RPRD1A: variants seen among roughly 807,000 people sequenced by gnomAD.
RPRD1A encodes regulation of nuclear pre-mRNA domain containing 1A.
A neutral mutation model predicts 37.8 loss-of-function variants in RPRD1A; 9 were observed. That is an observed-to-expected ratio of 0.24 (90% confidence interval 0.14 to 0.42). RPRD1A has a LOEUF of 0.42. RPRD1A is among the 10% of genes least tolerant of loss of function. RPRD1A has a pLI of 1.00. For synonymous variants in RPRD1A, 138 were observed against 139.7 expected (o/e 0.99, Z 0.08); for missense variants, 255 against 371.0 (o/e 0.69, Z 2.57).
chr18:36,034,865 C>G (rs1422276198), intron 1 of RPRD1A, among the ~76,000 whole-genome samples: 2 of 152,192 alleles, frequency 1.3e-5, no homozygotes, highest in Non-Finnish European at 2.9e-5. Flanking sequence ...TCTGAGTTCA[C>G]ATCATTCTCG....
At chr18:35,997,729 T>C (rs144965040) in intron 6 of RPRD1A, among the ~76,000 whole-genome samples, 167 of 152,338 alleles carry the variant, frequency 1.1e-3, no homozygotes, top group African/African-American at 3.9e-3. Flanking sequence ...GTTTTTAAAT[T>C]GGGGCACAAC....
At chr18:36,054,727 G>C (rs1053819505) in intron 1 of RPRD1A, among the ~76,000 whole-genome samples, 7 of 152,058 alleles carry the variant, frequency 4.6e-5, no homozygotes, top group Non-Finnish European at 2.9e-5. Context: ...CAATGGAGTA[G>C]TTCCAGTCCA....
intron 1 of RPRD1A, among the ~76,000 whole-genome samples, chr18:36,059,144 T>C (rs920358385): frequency 6.6e-6 from 1 of 152,218 alleles, no homozygotes; most frequent in African/African-American, 2.4e-5. Context: ...TGTGTCCATT[T>C]GTAATTTTAA....
chr18:36,061,171 T>C (rs2088903339), intron 1 of RPRD1A, among the ~76,000 whole-genome samples: 1 of 152,154 alleles, frequency 6.6e-6, no homozygotes, highest in South Asian at 2.1e-4. Context: ...TCCCTCTAAC[T>C]AAAGATTTCC....
intron 6 of RPRD1A, among the ~76,000 whole-genome samples, chr18:35,998,664 G>A (rs1384630881): frequency 6.6e-6 from 1 of 152,056 alleles, no homozygotes; most frequent in Non-Finnish European, 1.5e-5. Flanking sequence ...TCATATCCAA[G>A]CCCCTCCAGT....
chr18:36,058,727 A>T (rs913626193), intron 1 of RPRD1A, among the ~76,000 whole-genome samples: 4 of 152,234 alleles, frequency 2.6e-5, no homozygotes, highest in Non-Finnish European at 5.9e-5. Flanking sequence ...CTCAGCCAAC[A>T]GTCTGTGGAT....
chr18:36,049,440 CA>C (rs75634500), intron 1 of RPRD1A, among the ~76,000 whole-genome samples: 31,384 of 151,854 alleles, frequency 0.21, 3,309 homozygotes, highest in East Asian at 0.25. Context: ...CCCCCCCCAC[CA>C]AAAAACTTAG....
At chr18:36,043,201 G>GT (rs1568141943) in intron 1 of RPRD1A, among the ~76,000 whole-genome samples, 2 of 139,760 alleles carry the variant, frequency 1.4e-5, no homozygotes, top group African/African-American at 5.2e-5. Context: ...AGAATCGGGG[G>GT]GGGGGGAAGA....
chr18:36,053,280 A>G (rs772480964), intron 1 of RPRD1A, among the ~76,000 whole-genome samples: 1 of 152,216 alleles, frequency 6.6e-6, no homozygotes. Flanking sequence ...ATCTAGTTCC[A>G]AAATATTTTC....
intron 6 of RPRD1A, among the ~76,000 whole-genome samples, chr18:36,002,121 T>C (rs1238775472): frequency 6.7e-6 from 1 of 149,700 alleles, no homozygotes; most frequent in Non-Finnish European, 1.5e-5. Flanking sequence ...TGGTGTTCTC[T>C]TGAGTTTCCT....
At chr18:36,023,674 T>C (rs1174769381) in intron 6 of RPRD1A, among the ~76,000 whole-genome samples, 1 of 152,196 alleles carries the variant, frequency 6.6e-6, no homozygotes, top group Non-Finnish European at 1.5e-5. Flanking sequence ...TTTATCACTG[T>C]GTTAATAAAC....
intron 6 of RPRD1A, among the ~76,000 whole-genome samples, chr18:35,995,607 C>T (rs748866717): frequency 2.6e-5 from 4 of 152,122 alleles, no homozygotes; most frequent in Non-Finnish European, 4.4e-5. Context: ...ATAACAAATT[C>T]ATTGTAATTT....
chr18:36,033,862 A>G, intron 1 of RPRD1A, 25 bp from the exon 2 acceptor site: 1 of 1,584,496 alleles, frequency 6.3e-7, no homozygotes, highest in South Asian at 1.1e-5. Context: ...AAAGTTAAAA[A>G]TCTACTTAAA....
At position 36,067,446 on chromosome 18, in the gene RPRD1A, G is replaced by A. The variant is rs1227255660; in HGVS notation, c.-42C>T. 4.5e-6 allele frequency: 7 copies of A among 1,571,136 alleles called. No individual in the cohort carries two copies. In the South Asian group the frequency reaches 4.6e-5, roughly 10 times the overall value. On this transcript the variant is annotated 5_prime_UTR_variant, in exon 1 of 7. Coordinates refer to ENST00000399022, the MANE Select transcript of RPRD1A (RefSeq NM_018170.5). ...TCACGCCGTCCCACGCGGTGGGGCC[G>A]AGGGGAGGAGAGTTTCGCCGCCCTA...
chr18:36,032,891 T>C (rs764156144), intron 2 of RPRD1A, among the ~76,000 whole-genome samples: 6 of 152,072 alleles, frequency 3.9e-5, no homozygotes, highest in African/African-American at 7.2e-5. Context: ...CAAAAGGCAA[T>C]TGGGCACACA....
At chr18:36,022,351 AAAC>A (rs1568127200) in intron 6 of RPRD1A, among the ~76,000 whole-genome samples, 2 of 152,236 alleles carry the variant, frequency 1.3e-5, no homozygotes, top group East Asian at 1.9e-4. Flanking sequence ...TGGCTACACT[AAAC>A]AACAGATTTT....
intron 6 of RPRD1A, chr18:36,026,059 C>A (rs1911346626): frequency 6.1e-6 from 1 of 164,974 alleles, no homozygotes; most frequent in Non-Finnish European, 1.3e-5. Context: ...GCAATCTAAT[C>A]TAAGCACCAT....
At chr18:36,037,435 T>C (rs898333899) in intron 1 of RPRD1A, among the ~76,000 whole-genome samples, 4 of 152,202 alleles carry the variant, frequency 2.6e-5, no homozygotes, top group East Asian at 3.8e-4. Context: ...TCTGTCATGA[T>C]TGTAAGTTTC....
chr18:35,993,863 C>T (rs1299816026), intron 6 of RPRD1A, among the ~76,000 whole-genome samples: 1 of 152,158 alleles, frequency 6.6e-6, no homozygotes, highest in African/African-American at 2.4e-5. Flanking sequence ...GAAGCTAAGT[C>T]CTGAGATAGA....
Sources: gnomAD v4.1 joint callset for allele counts (sites outside exome capture counted in the v4.1 genomes callset) on GRCh38, gnomAD v4.1.1 for gene constraint, MANE v1.5 for transcripts, NCBI Gene and HGNC (gene_info 2026-07-23, HGNC 2026-07-21) for gene names.